Variants in TENM2 observed in about 807,000 individuals in gnomAD.
TENM2 encodes teneurin transmembrane protein 2, also known as teneurin-2.
Under a neutral mutation model 245.2 loss-of-function variants are expected in TENM2, and 52 were observed. The ratio of observed to expected loss-of-function variants is 0.21; its 90% CI spans 0.17 to 0.27. The LOEUF (loss-of-function observed/expected upper bound fraction) is 0.27, where lower values mean the gene tolerates loss of function less well. TENM2 is among the 10% of genes least tolerant of loss of function. The probability of loss-of-function intolerance (pLI) is 1.00; values close to 1 mark genes in which losing one functional copy is unlikely to be tolerated. For synonymous variants in TENM2, 1,363 were observed against 1,438.9 expected (o/e 0.95, Z 1.19); for missense variants, 3,046 against 3,666.8 (o/e 0.83, Z 4.37).
At chr5:168,195,289 A>G (rs1441347558) in exon 15 of TENM2, 2 of 1,586,002 alleles carry the variant, frequency 1.3e-6, no homozygotes, top group Non-Finnish European at 1.7e-6. Context: ...ACCCGCCAGG[A>G]TGGCACGTGA....
At chr5:167,237,426 A>T in the TENM2 span, among the ~76,000 whole-genome samples, 2 of 152,134 alleles carry the variant, frequency 1.3e-5, no homozygotes, top group African/African-American at 4.8e-5. Context: ...ATTGTATTGG[A>T]GTTGTTATTG....
At chr5:167,514,419 T>C (rs1016186088) in intron 2 of TENM2, among the ~76,000 whole-genome samples, 24 of 152,144 alleles carry the variant, frequency 1.6e-4, no homozygotes, top group Admixed American at 1.6e-3. Flanking sequence ...GACAGTCATG[T>C]TACTAATAGG....
intron 15 of TENM2, among the ~76,000 whole-genome samples, chr5:168,195,551 CGTGTGTGTGTGT>C (rs35040257): frequency 0.056 from 5,500 of 98,134 alleles, 359 homozygotes; most frequent in African/African-American, 0.15. Flanking sequence ...GGTCAATGCA[CGTGTGTGTGTGT>C]GTGTGTGTGT....
chr5:167,431,961 G>GTGTATA (rs982005904), intron 2 of TENM2, among the ~76,000 whole-genome samples: 1 of 43,602 alleles, frequency 2.3e-5, no homozygotes, highest in African/African-American at 5.1e-5. Context: ...ATATATATAT[G>GTGTATA]TATATATATA....
At chr5:167,932,986 G>T (rs552450889) in intron 3 of TENM2, among the ~76,000 whole-genome samples, 2 of 152,214 alleles carry the variant, frequency 1.3e-5, no homozygotes, top group South Asian at 2.1e-4. Flanking sequence ...CTAAGCAGTG[G>T]CAAGAATTCA....
chr5:167,556,008 A>G (rs1773240133), intron 2 of TENM2, among the ~76,000 whole-genome samples: 1 of 152,106 alleles, frequency 6.6e-6, no homozygotes, highest in Admixed American at 6.5e-5. Context: ...AAACTTACAC[A>G]AGCAGAAGGA....
chr5:168,072,822 A>G (rs994808242), intron 7 of TENM2, among the ~76,000 whole-genome samples: 2 of 152,200 alleles, frequency 1.3e-5, no homozygotes, highest in Non-Finnish European at 2.9e-5. Flanking sequence ...TACAACACTT[A>G]TAGCGCACTC....
chr5:167,326,006 T>C (rs896253263), intron 1 of TENM2, among the ~76,000 whole-genome samples: 1 of 152,150 alleles, frequency 6.6e-6, no homozygotes, highest in African/African-American at 2.4e-5. Flanking sequence ...AAAAGATCTC[T>C]CTGGAAAGGG....
chr5:166,979,036 C>A, the TENM2 span, among the ~76,000 whole-genome samples: 1 of 151,780 alleles, frequency 6.6e-6, no homozygotes. Flanking sequence ...TGTGTGCGCG[C>A]GAGAGCTCGC....
chr5:167,888,322 C>A (rs1452239349), intron 3 of TENM2, among the ~76,000 whole-genome samples: 1 of 152,194 alleles, frequency 6.6e-6, no homozygotes, highest in Non-Finnish European at 1.5e-5. Flanking sequence ...ACCCTGTTTC[C>A]CTTGTGTCTC....
At chr5:167,222,081 C>T in the TENM2 span, among the ~76,000 whole-genome samples, 1 of 152,086 alleles carries the variant, frequency 6.6e-6, no homozygotes, top group African/African-American at 2.4e-5. Flanking sequence ...GAACTGTTTC[C>T]TTAGAAAAAA....
chr5:167,747,817 T>G (rs1761696533), intron 2 of TENM2, among the ~76,000 whole-genome samples: 2 of 152,196 alleles, frequency 1.3e-5, no homozygotes, highest in African/African-American at 4.8e-5. Context: ...TTTGAATAAA[T>G]AAGTGTATCT....
intron 4 of TENM2, among the ~76,000 whole-genome samples, chr5:167,958,622 T>A (rs963927753): frequency 6.6e-6 from 1 of 152,214 alleles, no homozygotes; most frequent in African/African-American, 2.4e-5. Flanking sequence ...GGTACCAGTT[T>A]TTCCTTTCCA....
intron 3 of TENM2, among the ~76,000 whole-genome samples, chr5:167,916,424 T>C (rs1776939716): frequency 1.3e-5 from 2 of 152,124 alleles, no homozygotes; most frequent in African/African-American, 2.4e-5. Flanking sequence ...AGCAGCAATC[T>C]TCATCTCCCC....
At chr5:167,926,939 T>G (rs747331150) in intron 3 of TENM2, among the ~76,000 whole-genome samples, 47 of 152,188 alleles carry the variant, frequency 3.1e-4, no homozygotes, top group Non-Finnish European at 3.8e-4. Flanking sequence ...ACACTACAAT[T>G]ATCTCAAATT....
chr5:167,821,380 A>G (rs958632523), intron 2 of TENM2: 3 of 152,200 alleles, frequency 2.0e-5, no homozygotes, highest in African/African-American at 7.2e-5. Flanking sequence ...GCTGTTTTAC[A>G]GTTTTTGGCC....
chr5:167,609,329 A>T (rs1777282916), intron 2 of TENM2, among the ~76,000 whole-genome samples: 1 of 152,032 alleles, frequency 6.6e-6, no homozygotes, highest in African/African-American at 2.4e-5. Context: ...TTGTACTTGG[A>T]TATCCAATCA....
intron 1 of TENM2, among the ~76,000 whole-genome samples, chr5:167,366,761 C>G (rs1760078851): frequency 6.6e-6 from 1 of 152,042 alleles, no homozygotes; most frequent in South Asian, 2.1e-4. Flanking sequence ...AGCCTTGCAG[C>G]TAACTCACTA....
intron 12 of TENM2, among the ~76,000 whole-genome samples, chr5:168,131,544 G>A (rs984460637): frequency 3.3e-5 from 5 of 152,174 alleles, no homozygotes; most frequent in African/African-American, 7.2e-5. Flanking sequence ...AAAACCAGCC[G>A]TGCGATGATC....
Sources: allele counts gnomAD v4.1 joint callset (sites outside exome capture counted in the v4.1 genomes callset), GRCh38; gene constraint gnomAD v4.1.1; transcripts MANE v1.5; gene names NCBI Gene and HGNC (gene_info 2026-07-23, HGNC 2026-07-21).